Variants in RADX observed in about 807,000 individuals in gnomAD.
RADX encodes RPA1 related single stranded DNA binding protein, X-linked, also known as RPA-related protein RADX.
RADX carries 36 observed loss-of-function variants against 61.6 expected under a neutral mutation model. The observed-to-expected ratio is 0.58, with a 90% CI of 0.45 to 0.77. The LOEUF (loss-of-function observed/expected upper bound fraction) is 0.77. Ranked by LOEUF, RADX falls within the 30% of genes least tolerant of loss-of-function variation. RADX has a pLI of 0.00. For synonymous variants in RADX, 272 were observed against 237.9 expected, an observed-to-expected ratio of 1.14 and a Z score of -1.32; for missense variants, 497 against 651.1, an observed-to-expected ratio of 0.76 and a Z score of 2.58.
intron 11 of RADX, among the ~76,000 whole-genome samples, chrX:106,651,701 A>C (rs1473553077): frequency 9.0e-6 from 1 of 111,423 alleles, no homozygotes; most frequent in Non-Finnish European, 1.9e-5. Flanking sequence ...TGGAAAATAG[A>C]GATTTATATA....
chrX:106,674,878 G>T (rs779857989), intron 13 of RADX, among the ~76,000 whole-genome samples: 1 of 110,262 alleles, frequency 9.1e-6, no homozygotes, highest in Non-Finnish European at 1.9e-5. Flanking sequence ...ACAAAAATTA[G>T]CCAGACGTGG....
chrX:106,638,525 G>A (rs1433484385), intron 8 of RADX: 1 of 111,930 alleles, frequency 8.9e-6, no homozygotes, highest in East Asian at 2.8e-4. Flanking sequence ...GCCTCCCAAA[G>A]TGCTGGGATT....
chrX:106,665,725 A>G (rs1246782463), intron 12 of RADX, among the ~76,000 whole-genome samples: 1 of 112,251 alleles, frequency 8.9e-6, no homozygotes, highest in Non-Finnish European at 1.9e-5. Flanking sequence ...GCAAGTCTCT[A>G]GAAGACCTCG....
chrX:106,669,361 G>C lies in RADX; in HGVS notation c.2437+31G>C, dbSNP rs200043487. ...ACAATCTCAGTGTTCTTTTCACTCA[G>C]AAAAAAAAAAAATTATAAACAGCCC... is the stretch of plus-strand genomic sequence containing the variant. On this transcript the variant is annotated intron_variant, in intron 13 of 13. Coordinates refer to ENST00000372548, the MANE Select transcript of RADX (RefSeq NM_018015.6). 7,044 of 827,473 alleles carry C rather than the reference G, an allele frequency of 8.5e-3. 11 individuals are homozygous for C. Among genetic ancestry groups the C allele is most frequent in the Non-Finnish European group, 9.2e-3 (5,707 of 617,946 alleles). 68.2% of individuals were successfully genotyped at this position (827,473 alleles called of 1,213,427 possible).
At chrX:106,636,668 T>C (rs1927366770) in intron 7 of RADX, 21 bp downstream of exon 7, 1 of 903,409 alleles carries the variant, frequency 1.1e-6, no homozygotes, top group Admixed American at 2.5e-5. Flanking sequence ...TCTTTGTGTA[T>C]ATTATTAGAA....
At chrX:106,619,299 G>T (rs1926887473) in intron 1 of RADX, among the ~76,000 whole-genome samples, 1 of 111,271 alleles carries the variant, frequency 9.0e-6, no homozygotes, top group Non-Finnish European at 1.9e-5. Flanking sequence ...AGATATTTAG[G>T]ACTCCACTTG....
chrX:106,636,455 A>C, intron 6 of RADX, 88 bp from the exon 7 acceptor site: 1 of 512,724 alleles, frequency 2.0e-6, no homozygotes, highest in Admixed American at 3.1e-5. Context: ...TTGTGCATTA[A>C]AGTTTGAGAA....
At chrX:106,670,046 T>C (rs771417718) in intron 13 of RADX, among the ~76,000 whole-genome samples, 4 of 111,820 alleles carry the variant, frequency 3.6e-5, no homozygotes, top group Non-Finnish European at 7.5e-5. Flanking sequence ...TTGTGGTGGG[T>C]CTTTCTAAGC....
At position 106,662,239 on chromosome X, in the gene RADX, A is replaced by G; in HGVS notation, c.2203A>G (p.Arg735Gly). The G allele has an allele frequency of 8.3e-7, 1 of 1,211,174 alleles. No individual in the cohort carries two copies. The highest frequency in any genetic ancestry group is 1.1e-6 in the Non-Finnish European group (1 of 895,054). ...QPAKYVPPEG[R>G]PPKLDDFKSA... The stretch of plus-strand genomic sequence containing the variant: ...TGCGAAATATGTACCACCAGAAGGA[A>G]GGCCCCCAAAACTTGATGATTTTAA... The change falls in exon 12 of 14, where the codon AGG becomes GGG. Residue 735 changes from arginine to glycine, a missense_variant. Coordinates refer to ENST00000372548, the MANE Select transcript of RADX (RefSeq NM_018015.6).
intron 11 of RADX, among the ~76,000 whole-genome samples, chrX:106,660,870 G>A (rs978842047): frequency 2.4e-4 from 27 of 111,733 alleles, no homozygotes; most frequent in African/African-American, 8.8e-4. Context: ...GGTAATTTAC[G>A]AAGAAAAGAG....
chrX:106,640,585 A>G lies in RADX; in HGVS notation c.1768A>G (p.Arg590Gly), dbSNP rs1340641709. 1 of 1,200,992 alleles carries G rather than the reference A, an allele frequency of 8.3e-7. No homozygotes were observed. The highest frequency in any genetic ancestry group is 1.1e-6 in the Non-Finnish European group (1 of 889,616). ...ANRPSTSQAA[R>G]VEIQERNGKR... ...CAGACCCTCGACCTCTCAAGCAGCT[A>G]GAGTAGAAATTCAAGAAAGAAATGG... The change falls in exon 10 of 14, where the codon AGA becomes GGA. Residue 590 changes from arginine (R) to glycine (G), a missense_variant. Around this residue, in one of 3 missense-constraint regions of RADX, gnomAD observed 267 missense variants for 306.9 expected, o/e 0.87. Transcript: ENST00000372548.
chrX:106,632,498 G>A lies in RADX; in HGVS notation c.980-127G>A, dbSNP rs1927258224. 1.0e-5 allele frequency: 4 copies of A among 384,459 alleles called. No individual in the cohort carries two copies. In the South Asian group the frequency reaches 2.5e-4, roughly 24 times the overall value. 31.7% of individuals were successfully genotyped at this position (384,459 alleles called of 1,213,427 possible). A position where few individuals can be genotyped will look rare whatever the true frequency, so the allele number is the denominator to read the frequency against. Reference sequence around the variant, plus strand: ...TGGAGGTAGAAGAACACTGATAATAGTCTAGTTCTTGAGTTTAGTGGTGGG... The same window carrying A: ...TGGAGGTAGAAGAACACTGATAATAATCTAGTTCTTGAGTTTAGTGGTGGG... On this transcript the variant is annotated intron_variant, in intron 3 of 13. Coordinates refer to ENST00000372548, the MANE Select transcript of RADX (RefSeq NM_018015.6).
chrX:106,648,629 A>G (rs1197325224), intron 11 of RADX, among the ~76,000 whole-genome samples: 1 of 104,544 alleles, frequency 9.6e-6, no homozygotes, highest in Non-Finnish European at 1.9e-5. Flanking sequence ...ATATCTCTTC[A>G]AATGTACTAT....
At chrX:106,677,164 A>G (rs912959081) in intron 13 of RADX, among the ~76,000 whole-genome samples, 1 of 112,013 alleles carries the variant, frequency 8.9e-6, no homozygotes, top group African/African-American at 3.2e-5. Flanking sequence ...TACTGTAAAG[A>G]TGAGAACACA....
chrX:106,669,126 A>T, intron 12 of RADX, 37 bp from the exon 13 acceptor site: 1 of 1,133,625 alleles, frequency 8.8e-7, no homozygotes, highest in Non-Finnish European at 1.2e-6. Context: ...ATGCTAACCC[A>T]CTGAACTTTT....
chrX:106,628,225 C>T (rs1927121659), intron 3 of RADX, among the ~76,000 whole-genome samples: 1 of 111,968 alleles, frequency 8.9e-6, no homozygotes, highest in East Asian at 2.8e-4. Flanking sequence ...AAGTAATATA[C>T]AGTCCTACTC....
At chrX:106,625,339 A>G (rs1446130703) in intron 3 of RADX, 57 bp downstream of exon 3, 8 of 836,343 alleles carry the variant, frequency 9.6e-6, no homozygotes, top group Middle Eastern at 3.3e-4. Context: ...TAAATTTGCA[A>G]TGTACCATAT....
chrX:106,629,614 A>G (rs1021878334), intron 3 of RADX, among the ~76,000 whole-genome samples: 2 of 111,947 alleles, frequency 1.8e-5, no homozygotes, highest in Non-Finnish European at 3.8e-5. Flanking sequence ...CCAAACATTT[A>G]GGGAATATAT....
chrX:106,612,757 A>C, intron 1 of RADX, 34 bp downstream of exon 1: 2 of 1,142,808 alleles, frequency 1.8e-6, no homozygotes, highest in Non-Finnish European at 2.3e-6. Flanking sequence ...GAGGGTTTTA[A>C]AAAAAATAGT....
Sources: allele counts gnomAD v4.1 joint callset (sites outside exome capture counted in the v4.1 genomes callset), GRCh38; gene constraint gnomAD v4.1.1; regional missense constraint gnomAD v4.1.1; transcripts MANE v1.5; gene names NCBI Gene and HGNC (gene_info 2026-07-23, HGNC 2026-07-21).